C14orf132: variants seen among roughly 807,000 people sequenced by gnomAD.
C14orf132 encodes the protein uncharacterized protein C14orf132.
Under a neutral mutation model 5.8 loss-of-function variants are expected in C14orf132, and 6 were observed. That is an observed-to-expected ratio of 1.03 (90% confidence interval 0.57 to 2.04). The LOEUF (loss-of-function observed/expected upper bound fraction) is 2.04. C14orf132 is among the 30% of genes most tolerant of loss of function. C14orf132 has a pLI of 0.00. For synonymous variants in C14orf132, 51 were observed against 49.8 expected (o/e 1.02, Z -0.10); for missense variants, 125 against 115.8 (o/e 1.08, Z -0.37).
rs1888298345 is a variant in C14orf132 at position 96,089,019 on chromosome 14, TCGACCACTCTG to T, written c.*2286_*2296del. The T allele has an allele frequency of 6.6e-6, 1 of 152,272 alleles. No individual in the cohort carries two copies. Among genetic ancestry groups the T allele is most frequent in the Admixed American group, 6.5e-5 (1 of 15,286 alleles). The allele number at this position is 152,272 out of a possible 1,614,324, so 9.4% of individuals were successfully genotyped here. A position where few individuals can be genotyped will look rare whatever the true frequency, so the allele number is the denominator to read the frequency against. On this transcript the variant is annotated 3_prime_UTR_variant, in exon 2 of 2. Coordinates refer to ENST00000555004, the MANE Select transcript of C14orf132 (RefSeq NM_001252507.3). ...TAGATGGTCCAGGGCATTGGAGGCC[TCGACCACTCTG>T]CATTGCAGATTACAGTGACTTCCTC...
chr14:96,079,161 T>C (rs1431154975), intron 1 of C14orf132, among the ~76,000 whole-genome samples: 1 of 152,186 alleles, frequency 6.6e-6, no homozygotes, highest in African/African-American at 2.4e-5. Context: ...AAACTTACAA[T>C]GACAGTTCAC....
intron 1 of C14orf132, among the ~76,000 whole-genome samples, chr14:96,043,083 C>G (rs1886736419): frequency 6.6e-6 from 1 of 152,192 alleles, no homozygotes; most frequent in South Asian, 2.1e-4. Context: ...TTGCTGCCCA[C>G]CACTTCAAGA....
In C14orf132 at chr14:96,040,613, G is replaced by C. The variant is rs374460894; in HGVS notation, c.27+1086G>C. ...AGTGACAGCAAAATCCAGACTGTGT[G>C]TGGACAGCGAGTCTGCAAATGGAGG... is the stretch of plus-strand genomic sequence containing the variant. On this transcript the variant is annotated intron_variant, in intron 1 of 1. Coordinates refer to ENST00000555004, the MANE Select transcript of C14orf132 (RefSeq NM_001252507.3). 7.2e-5 allele frequency among the ~76,000 whole-genome samples: 11 copies of C among 152,298 alleles called. No individual in the cohort carries two copies. In the East Asian group the frequency reaches 1.5e-3, roughly 21 times the overall value.
At chr14:96,063,986 T>A (rs1249890439) in intron 1 of C14orf132, among the ~76,000 whole-genome samples, 3 of 152,110 alleles carry the variant, frequency 2.0e-5, no homozygotes, top group Non-Finnish European at 2.9e-5. Context: ...TCAACATCAC[T>A]AATCATCAGG....
At chr14:96,082,595 C>A (rs1205523898) in intron 1 of C14orf132, among the ~76,000 whole-genome samples, 1 of 152,186 alleles carries the variant, frequency 6.6e-6, no homozygotes, top group Non-Finnish European at 1.5e-5. Flanking sequence ...ACCTCTCAGC[C>A]GCCTGTCTCA....
chr14:96,049,490 ATATATACGTATATATACG>A (rs1566823568), intron 1 of C14orf132, among the ~76,000 whole-genome samples: 1 of 145,452 alleles, frequency 6.9e-6, no homozygotes, highest in East Asian at 2.0e-4. Context: ...ATATATGCAT[ATATATACGTATATATACG>A]TATATACGTA....
chr14:96,067,133 G>A (rs1887555245), intron 1 of C14orf132, among the ~76,000 whole-genome samples: 1 of 152,186 alleles, frequency 6.6e-6, no homozygotes, highest in East Asian at 1.9e-4. Flanking sequence ...AGGTGCTGGG[G>A]TGCCCAGAAG....
chr14:96,049,648 A>ATACATATATACG (rs1566823964), intron 1 of C14orf132, among the ~76,000 whole-genome samples: 25 of 77,198 alleles, frequency 3.2e-4, no homozygotes, highest in Non-Finnish European at 4.5e-4. Context: ...ACGTATATAT[A>ATACATATATACG]TATATAGAGA....
chr14:96,078,971 G>A (rs555821897), intron 1 of C14orf132, among the ~76,000 whole-genome samples: 7 of 152,260 alleles, frequency 4.6e-5, no homozygotes, highest in South Asian at 2.1e-4. Flanking sequence ...GGGGATCAGC[G>A]TGTACCTAGC....
intron 1 of C14orf132, among the ~76,000 whole-genome samples, chr14:96,058,569 AG>A (rs1887249688): frequency 6.6e-6 from 1 of 152,136 alleles, no homozygotes; most frequent in Non-Finnish European, 1.5e-5. Context: ...TTTTAATTGA[AG>A]TTAACATTGT....
At chr14:96,042,496 A>C (rs1200054842) in intron 1 of C14orf132, among the ~76,000 whole-genome samples, 2 of 152,244 alleles carry the variant, frequency 1.3e-5, no homozygotes, top group Non-Finnish European at 2.9e-5. Flanking sequence ...AACCAGATCC[A>C]CGTGACTCCA....
intron 1 of C14orf132, among the ~76,000 whole-genome samples, chr14:96,076,954 C>A (rs900653088): frequency 6.6e-6 from 1 of 152,106 alleles, no homozygotes; most frequent in Admixed American, 6.5e-5. Flanking sequence ...GGGAGATTTC[C>A]CCAATGTCTT....
chr14:96,053,156 T>G (rs1887077697), intron 1 of C14orf132, among the ~76,000 whole-genome samples: 1 of 152,188 alleles, frequency 6.6e-6, no homozygotes, highest in Non-Finnish European at 1.5e-5. Flanking sequence ...CTCACTGTAT[T>G]TGACTAACAT....
intron 1 of C14orf132, among the ~76,000 whole-genome samples, chr14:96,044,821 C>T (rs531739146): frequency 2.0e-4 from 30 of 152,320 alleles, no homozygotes; most frequent in African/African-American, 7.2e-4. Flanking sequence ...CTTATGAGGA[C>T]ACCAGCCATA....
At chr14:96,062,420 A>C (rs186856307) in intron 1 of C14orf132, among the ~76,000 whole-genome samples, 57 of 152,284 alleles carry the variant, frequency 3.7e-4, no homozygotes, top group Non-Finnish European at 6.5e-4. Context: ...GAAAGAAAAC[A>C]AAAAGGACCA....
chr14:96,086,401 A>C, intron 1 of C14orf132, 110 bp from the exon 2 acceptor site: 36 of 910,914 alleles, frequency 4.0e-5, no homozygotes, highest in Non-Finnish European at 5.3e-5. Flanking sequence ...CAGGTGCAGT[A>C]GAGATCGTAG....
At chr14:96,050,531 T>A (rs889552977) in intron 1 of C14orf132, among the ~76,000 whole-genome samples, 3 of 152,018 alleles carry the variant, frequency 2.0e-5, no homozygotes, top group African/African-American at 7.2e-5. Context: ...CATGCATTCA[T>A]CTGTCCTTTG....
chr14:96,063,769 G>T (rs1424549822), intron 1 of C14orf132, among the ~76,000 whole-genome samples: 2 of 152,154 alleles, frequency 1.3e-5, no homozygotes, highest in Non-Finnish European at 2.9e-5. Flanking sequence ...GGAACAGTCA[G>T]CAGAGTAAAC....
chr14:96,092,798 AG>A lies in C14orf132; in HGVS notation c.*6064del, dbSNP rs2139695497. 1 of 152,328 alleles carries A rather than the reference AG, an allele frequency of 6.6e-6. No homozygotes were observed. Among genetic ancestry groups the A allele is most frequent in the East Asian group, 1.9e-4 (1 of 5,168 alleles). 9.4% of individuals were successfully genotyped at this position (152,328 alleles called of 1,614,324 possible). ...ACTTAGTGGTGGCTTTCATGAGGCC[AG>A]TCGTTCTCAAGGAAGGGCTGGGGGC... On this transcript the variant is annotated 3_prime_UTR_variant, in exon 2 of 2. Coordinates refer to ENST00000555004, the MANE Select transcript of C14orf132 (RefSeq NM_001252507.3).
Sources: gnomAD v4.1 joint callset for allele counts (sites outside exome capture counted in the v4.1 genomes callset) on GRCh38, gnomAD v4.1.1 for gene constraint, MANE v1.5 for transcripts, NCBI Gene and HGNC (gene_info 2026-07-23, HGNC 2026-07-21) for gene names.